The following PSPC1 variants were observed in gnomAD, a reference collection of about 807,000 sequenced individuals.
The protein encoded by PSPC1 is paraspeckle protein 1.
PSPC1 carries 14 observed loss-of-function variants against 51.6 expected under a neutral mutation model. The ratio of observed to expected loss-of-function variants is 0.27; its 90% CI spans 0.18 to 0.42. PSPC1 has a LOEUF of 0.42. Ranked by LOEUF, PSPC1 falls within the 10% of genes least tolerant of loss-of-function variation. The pLI, the probability that PSPC1 is intolerant of heterozygous loss-of-function variation, is 1.00. For synonymous variants in PSPC1, 193 were observed against 231.9 expected, an observed-to-expected ratio of 0.83 and a Z score of 1.53; for missense variants, 406 against 701.1, an observed-to-expected ratio of 0.58 and a Z score of 4.75.
At chr13:19,701,788 T>C (rs1192566841), downstream of PSPC1, among the ~76,000 whole-genome samples, 1 of 152,226 alleles carries the variant, frequency 6.6e-6, no homozygotes, top group Admixed American at 6.5e-5. Flanking sequence ...GAAAGCATGA[T>C]ATAGCAAACC....
At chr13:19,708,012 C>T (rs1880917139) in intron 7 of PSPC1, among the ~76,000 whole-genome samples, 1 of 152,284 alleles carries the variant, frequency 6.6e-6, no homozygotes, top group African/African-American at 2.4e-5. Context: ...AATTATTTCA[C>T]GTATCCACTG....
rs1566067730 is a variant in PSPC1 at position 19,782,451 on chromosome 13, C to G, written c.307G>C (p.Glu103Gln). Residue 103 changes from glutamate to glutamine, a missense_variant, in exon 1 of 9, where the codon GAA becomes CAA. Physicochemically the swap from Glu to Gln is conservative, Grantham distance 29. Coordinates refer to ENST00000338910, the MANE Select transcript of PSPC1 (RefSeq NM_001354909.2). The surrounding 1 kb of genome is among the most constrained non-coding windows in gnomAD (Gnocchi z 4.5). ...ACTTCGCTGGGCTCGCCATAGCGTT[C>G]GAAGAGCCTCTTGAAGTCCTCCTCC... Reference protein sequence around the residue: ...ITEEDFKRLFERYGEPSEVFI... With the variant: ...ITEEDFKRLFQRYGEPSEVFI... 6.2e-7 allele frequency: 1 copy of G among 1,611,022 alleles called. No individual in the cohort carries two copies. The highest frequency in any genetic ancestry group is 8.5e-7 in the Non-Finnish European group (1 of 1,178,592).
At chr13:19,741,818 G>A (rs143598297) in intron 4 of PSPC1, among the ~76,000 whole-genome samples, 169 bp from the exon 5 acceptor site, 125 of 152,196 alleles carry the variant, frequency 8.2e-4, no homozygotes, top group Non-Finnish European at 1.2e-3. Flanking sequence ...GTTTCTTCAC[G>A]TATATAAAAA....
chr13:19,706,485 T>A (rs1481091160), intron 7 of PSPC1, among the ~76,000 whole-genome samples: 1 of 152,080 alleles, frequency 6.6e-6, no homozygotes, highest in Non-Finnish European at 1.5e-5. Context: ...CGCAACCAAA[T>A]ACAGATAAAA....
chr13:19,748,978 G>C (rs1886264707), intron 4 of PSPC1, among the ~76,000 whole-genome samples: 2 of 151,974 alleles, frequency 1.3e-5, no homozygotes, highest in African/African-American at 4.8e-5. Context: ...GGGAGGCCAA[G>C]GTGGGTAGAT....
chr13:19,750,401 C>G (rs1333456502), intron 4 of PSPC1, among the ~76,000 whole-genome samples: 1 of 151,554 alleles, frequency 6.6e-6, no homozygotes. Context: ...CACTGCACTC[C>G]AGCCTGGGCA....
At chr13:19,736,101 TGA>T (rs1219137777) in intron 5 of PSPC1, among the ~76,000 whole-genome samples, 2 of 151,996 alleles carry the variant, frequency 1.3e-5, no homozygotes, top group East Asian at 3.9e-4. Context: ...ATTACAGGCA[TGA>T]GCCACCGCGC....
chr13:19,677,051 A>T (rs376993689), intron 7 of PSPC1, among the ~76,000 whole-genome samples: 4 of 151,972 alleles, frequency 2.6e-5, no homozygotes, highest in Admixed American at 2.0e-4. Context: ...TGGCTAACAC[A>T]GTGAAACCCC....
chr13:19,772,266 C>T lies in PSPC1; in HGVS notation c.650G>A (p.Gly217Asp). The T allele has an allele frequency of 6.2e-7, 1 of 1,613,956 alleles. No homozygotes were observed. The highest frequency in any genetic ancestry group is 8.5e-7 in the Non-Finnish European group (1 of 1,179,868). Residue 217 changes from glycine (G) to aspartate (D), a missense_variant, in exon 2 of 9, where the codon GGT (glycine) becomes GAT (aspartate). Coordinates refer to ENST00000338910, the MANE Select transcript of PSPC1 (RefSeq NM_001354909.2). ...CGTTGTTAGCAAGAATGCCCCATCA[C>T]CACATCTTTCCAGAGCCTTTCGTGC... ...PPARKALERC[G>D]DGAFLLTTTP...
In PSPC1 at chr13:19,719,126, G is replaced by A. The variant is rs529086612; in HGVS notation, c.1159-9527C>T. ...ACGATAGACTTTGGTTGATAAGCAC[G>A]TGTCAATGTAGCTTCAGCAATTGTT... On this transcript the variant is annotated intron_variant, in intron 6 of 8. Coordinates refer to ENST00000338910, the MANE Select transcript of PSPC1 (RefSeq NM_001354909.2). Among the ~76,000 whole-genome samples the A allele has an allele frequency of 5.7e-4, 85 of 149,594 alleles. 1 individual carries two copies. Among genetic ancestry groups the A allele is most frequent in the African/African-American group, 2.0e-3 (82 of 40,842 alleles).
Position 19,782,615 on chromosome 13 carries a change from G to A in PSPC1, c.143C>T (p.Pro48Leu), listed in dbSNP as rs1294838061. 2.5e-6 allele frequency: 4 copies of A among 1,578,344 alleles called. No individual in the cohort carries two copies. Among genetic ancestry groups the A allele is most frequent in the Non-Finnish European group, 3.4e-6 (4 of 1,166,004 alleles). Reference protein sequence around the residue: ...ALALAGEPAPPAPAPPEDHPD... With the variant: ...ALALAGEPAPLAPAPPEDHPD... ...GTGGTCCTCTGGAGGCGCGGGCGCG[G>A]GCGGTGCCGGCTCCCCGGCAAGAGC... Residue 48 changes from proline (P) to leucine (L), a missense_variant, in exon 1 of 9, where the codon CCC becomes CTC. Pro to Leu is a moderately conservative substitution (Grantham distance 98). Transcript: ENST00000338910. This position sits in a 1 kb window ranked among gnomAD's most constrained non-coding sequence, Gnocchi z 4.5.
At chr13:19,756,448 C>T (rs371224178) in intron 3 of PSPC1, among the ~76,000 whole-genome samples, 11 of 152,156 alleles carry the variant, frequency 7.2e-5, no homozygotes, top group African/African-American at 2.2e-4. Flanking sequence ...AGGTTCACTA[C>T]GGCCACTCAG....
At chr13:19,781,814 G>C (rs1889998914) in intron 1 of PSPC1, among the ~76,000 whole-genome samples, 1 of 152,116 alleles carries the variant, frequency 6.6e-6, no homozygotes, top group South Asian at 2.1e-4. Context: ...GAAATAAAGT[G>C]GTCTACCCTT....
intron 2 of PSPC1, among the ~76,000 whole-genome samples, chr13:19,763,192 G>A (rs1297829780): frequency 6.6e-6 from 1 of 151,858 alleles, no homozygotes; most frequent in Non-Finnish European, 1.5e-5. Context: ...GTCTCACTCT[G>A]TTGTCTAGGC....
chr13:19,701,915 C>A (rs1427680786), downstream of PSPC1, among the ~76,000 whole-genome samples: 2 of 152,160 alleles, frequency 1.3e-5, no homozygotes, highest in East Asian at 3.8e-4. Flanking sequence ...GACCAACATA[C>A]ACATTTTTAA....
chr13:19,730,321 C>A lies in PSPC1; in HGVS notation c.1076G>T (p.Arg359Leu), dbSNP rs199997572. Reference sequence around the variant, plus strand: ...TCTGTGTCGGATCATTTCTTCCTCACGCCGCCGATGCTCCTCTTCATGTCT... The same window carrying A: ...TCTGTGTCGGATCATTTCTTCCTCAAGCCGCCGATGCTCCTCTTCATGTCT... ...QLRHEEEHRR[R>L]EEEMIRHREQ... Residue 359 changes from arginine (R) to leucine (L), a missense_variant, in exon 6 of 9, where the codon CGT (arginine) becomes CTT (leucine). By Grantham distance (102) the Arg-to-Leu change is moderately radical (BLOSUM62 -2). Around this residue, in one of 5 missense-constraint regions of PSPC1, gnomAD observed 61 missense variants for 78.4 expected, o/e 0.78. Transcript: ENST00000338910. 1 of 1,614,002 alleles carries A rather than the reference C, an allele frequency of 6.2e-7. No individual in the cohort carries two copies. Among genetic ancestry groups the A allele is most frequent in the African/African-American group, 1.3e-5 (1 of 75,022 alleles).
chr13:19,741,994 T>C (rs1174070613), intron 4 of PSPC1, among the ~76,000 whole-genome samples: 2 of 151,758 alleles, frequency 1.3e-5, no homozygotes, highest in African/African-American at 2.4e-5. Context: ...TAGCTGGGCA[T>C]GGTGGCGCGC....
At chr13:19,677,406 G>C (rs1369563133) in intron 7 of PSPC1, among the ~76,000 whole-genome samples, 1 of 151,814 alleles carries the variant, frequency 6.6e-6, no homozygotes. Flanking sequence ...TCCCCTCTTA[G>C]TCCAGTTTTA....
chr13:19,679,892 AG>A (rs1877082798), intron 6 of PSPC1, among the ~76,000 whole-genome samples: 1 of 152,236 alleles, frequency 6.6e-6, no homozygotes, highest in Admixed American at 6.5e-5. Context: ...AAAAACTTTA[AG>A]CATTCTCAGC....
Sources: gnomAD v4.1 joint callset for allele counts (sites outside exome capture counted in the v4.1 genomes callset) on GRCh38, gnomAD v4.1.1 for gene constraint, gnomAD v4.1.1 regional missense constraint, Gnocchi (gnomAD v3.1) non-coding constraint, MANE v1.5 for transcripts, NCBI Gene and HGNC (gene_info 2026-07-23, HGNC 2026-07-21) for gene names.